Variants in PLCB4 observed in about 807,000 individuals in gnomAD.
PLCB4 encodes the protein 1-phosphatidylinositol 4,5-bisphosphate phosphodiesterase beta-4.
A neutral mutation model predicts 178.8 loss-of-function variants in PLCB4; 77 were observed. The ratio of observed to expected loss-of-function variants is 0.43; its 90% CI spans 0.36 to 0.52. PLCB4 has a LOEUF of 0.52. Among genes scored for constraint, PLCB4 ranks in the 20% least tolerant of loss-of-function variants. PLCB4 has a pLI of 0.00. For missense variants in PLCB4, 1,024 were observed against 1,453.4 expected (o/e 0.70, Z 4.80); for synonymous variants, 496 against 490.8 (o/e 1.01, Z -0.14).
At chr20:9,351,623 C>T (rs2034354220) in intron 7 of PLCB4, among the ~76,000 whole-genome samples, 1 of 152,048 alleles carries the variant, frequency 6.6e-6, no homozygotes, top group African/African-American at 2.4e-5. Context: ...AGACAGAGAA[C>T]CAGGTAATGA....
intron 3 of PLCB4, among the ~76,000 whole-genome samples, chr20:9,237,334 C>T (rs1334365422): frequency 1.3e-5 from 2 of 152,112 alleles, no homozygotes; most frequent in Middle Eastern, 3.4e-3. Flanking sequence ...TCTTTATTAG[C>T]TGCAGCATGA....
intron 2 of PLCB4, among the ~76,000 whole-genome samples, chr20:9,151,753 A>G (rs2092695746): frequency 6.6e-6 from 1 of 152,150 alleles, no homozygotes; most frequent in African/African-American, 2.4e-5. Context: ...AAGATACCCG[A>G]AAATATGGAA....
At position 9,390,576 on chromosome 20, in the gene PLCB4, T is replaced by C; in HGVS notation, c.1284T>C (p.Phe428=). The change falls in exon 17 of 40, where the codon TTT becomes TTC. Residue 428 remains phenylalanine, a synonymous_variant. Transcript: ENST00000378473. ...YKMSKYCEDL[F]GDLLLKQALE... ...TGTCCAAATATTGCGAAGATCTATT[T>C]GGGGATCTCCTGTTGAAACAAGCAC... The C allele has an allele frequency of 1.3e-6, 2 of 1,585,724 alleles. No individual in the cohort carries two copies. Among genetic ancestry groups the C allele is most frequent in the Non-Finnish European group, 1.7e-6 (2 of 1,154,176 alleles).
intron 32 of PLCB4, among the ~76,000 whole-genome samples, chr20:9,450,950 T>TAACTCAGTTTTCTAACCCC (rs1476174760): frequency 6.6e-6 from 1 of 152,142 alleles, no homozygotes. Flanking sequence ...TGCCCAGCCC[T>TAACTCAGTTTTCTAACCCC]AACTCAGTTT....
Position 9,293,369 on chromosome 20 carries a change from AGGAAGGAAAG to A in PLCB4, c.-15-14409_-15-14400del, listed in dbSNP as rs565100415. On this transcript the variant is annotated intron_variant, in intron 3 of 39. Transcript: ENST00000378473. ...GAGGAAGAGAGGAATGAAGGAAGGAAGGAAGGAAAGGGAAGGAAAGGGAAGGAAAGGAAAG... is the reference window on the plus strand; with the variant it reads ...GAGGAAGAGAGGAATGAAGGAAGGAAGGAAGGAAAGGGAAGGAAAGGAAAG... 3.2e-4 allele frequency among the ~76,000 whole-genome samples: 47 copies of A among 147,682 alleles called. No individual in the cohort carries two copies. In the East Asian group the frequency reaches 4.8e-3, roughly 15 times the overall value.
intron 2 of PLCB4, among the ~76,000 whole-genome samples, chr20:9,165,279 T>G (rs2092950969): frequency 6.6e-6 from 1 of 152,216 alleles, no homozygotes; most frequent in Non-Finnish European, 1.5e-5. Context: ...AGGGTGTGCT[T>G]CCATTCGCTA....
At chr20:9,077,701 C>A (rs999990466) in intron 1 of PLCB4, among the ~76,000 whole-genome samples, 1 of 152,188 alleles carries the variant, frequency 6.6e-6, no homozygotes, top group South Asian at 2.1e-4. Flanking sequence ...CCCTTCCCAG[C>A]AGGGACATGT....
intron 8 of PLCB4, among the ~76,000 whole-genome samples, chr20:9,363,408 C>G (rs1178124897): frequency 6.6e-6 from 1 of 152,148 alleles, no homozygotes; most frequent in African/African-American, 2.4e-5. Context: ...GAAAAAGAAG[C>G]CTCAGCCCCA....
At chr20:9,190,812 G>A (rs955125328) in intron 2 of PLCB4, among the ~76,000 whole-genome samples, 7 of 152,152 alleles carry the variant, frequency 4.6e-5, no homozygotes, top group African/African-American at 1.7e-4. Flanking sequence ...AACCCTGAGA[G>A]GTGGGTATGC....
chr20:9,371,426 A>G, intron 10 of PLCB4, 131 bp downstream of exon 10: 1 of 462,680 alleles, frequency 2.2e-6, no homozygotes, highest in South Asian at 4.7e-5. Flanking sequence ...GACATATAGT[A>G]CAGTTAATTT....
rs546433697 is a variant in PLCB4, at chr20:9,426,113, A to G, written c.2524+2161A>G. Among the ~76,000 whole-genome samples, 577 of 149,770 alleles carry G rather than the reference A, an allele frequency of 3.9e-3. 8 individuals are homozygous for G. Among genetic ancestry groups the G allele is most frequent in the African/African-American group, 0.014 (555 of 39,420 alleles). ...ACCATCACACTCAGCATTTTCTAGA[A>G]AAAAAAATGTTTTTTTTCCCCTAGG... On this transcript the variant is annotated intron_variant, in intron 28 of 39. Transcript: ENST00000378473.
chr20:9,136,060 C>T (rs562344016), intron 2 of PLCB4, among the ~76,000 whole-genome samples: 10 of 152,220 alleles, frequency 6.6e-5, no homozygotes, highest in Admixed American at 1.3e-4. Context: ...ACCCCAAGGT[C>T]GGTACATTTT....
intron 3 of PLCB4, among the ~76,000 whole-genome samples, chr20:9,300,322 G>C (rs556595585): frequency 6.6e-6 from 1 of 152,080 alleles, no homozygotes; most frequent in Non-Finnish European, 1.5e-5. Flanking sequence ...GGATGGGGAA[G>C]GGATTAATTT....
chr20:9,199,657 A>G (rs2093517620), intron 2 of PLCB4, among the ~76,000 whole-genome samples: 1 of 152,128 alleles, frequency 6.6e-6, no homozygotes, highest in Non-Finnish European at 1.5e-5. Flanking sequence ...TAGTCTTGAA[A>G]CACTAGGTTA....
At chr20:9,392,609 G>A (rs2148421297) in intron 17 of PLCB4, among the ~76,000 whole-genome samples, 1 of 152,202 alleles carries the variant, frequency 6.6e-6, no homozygotes, top group East Asian at 1.9e-4. Flanking sequence ...ATATAAATGG[G>A]AATAAGACCT....
At chr20:9,122,696 A>C (rs7266736) in intron 2 of PLCB4, among the ~76,000 whole-genome samples, 1 of 152,220 alleles carries the variant, frequency 6.6e-6, no homozygotes, top group South Asian at 2.1e-4. Flanking sequence ...AGAAAGGACC[A>C]ATTTTACTTG....
chr20:9,439,003 A>G (rs1568838096), intron 30 of PLCB4, among the ~76,000 whole-genome samples: 1 of 152,218 alleles, frequency 6.6e-6, no homozygotes, highest in East Asian at 1.9e-4. Flanking sequence ...GAAGGAAGAG[A>G]TATGTTCTGT....
At chr20:9,125,199 TAAAAC>T (rs146315248) in intron 2 of PLCB4, among the ~76,000 whole-genome samples, 4,098 of 152,246 alleles carry the variant, frequency 0.027, 177 homozygotes, top group African/African-American at 0.092. Flanking sequence ...ATAATAAAAA[TAAAAC>T]AATAGGATGT....
At position 9,245,839 on chromosome 20, in the gene PLCB4, G is replaced by C. The variant is rs543498932; in HGVS notation, c.-16+28387G>C. Among the ~76,000 whole-genome samples the C allele has an allele frequency of 2.0e-5, 3 of 151,120 alleles. No homozygotes were observed. In the East Asian group the frequency reaches 5.9e-4, roughly 30 times the overall value. On this transcript the variant is annotated intron_variant, in intron 3 of 39. Transcript: ENST00000378473. ...AGTAAAGACAGGGTTTCACTATATTGGCCAGGCTGGTCTCGAACTCATGAC... is the reference window on the plus strand; with the variant it reads ...AGTAAAGACAGGGTTTCACTATATTCGCCAGGCTGGTCTCGAACTCATGAC...
Sources: gnomAD v4.1 joint callset for allele counts (sites outside exome capture counted in the v4.1 genomes callset) on GRCh38, gnomAD v4.1.1 for gene constraint, MANE v1.5 for transcripts, NCBI Gene and HGNC (gene_info 2026-07-23, HGNC 2026-07-21) for gene names.